PLD5: variants seen among roughly 807,000 people sequenced by gnomAD.
PLD5 encodes phospholipase D family member 5.
In PLD5, 36 loss-of-function variants were observed where a neutral mutation model predicts 61.1. The observed-to-expected ratio is 0.59, with a 90% CI of 0.45 to 0.78. The LOEUF is 0.78. PLD5 is among the 30% of genes least tolerant of loss of function. PLD5 has a pLI of 0.00. For synonymous variants in PLD5, 243 were observed against 242.8 expected (o/e 1.00, Z -0.01); for missense variants, 515 against 644.4 (o/e 0.80, Z 2.17).
chr1:242,509,901 G>A (rs2102999526), intron 1 of PLD5, among the ~76,000 whole-genome samples: 1 of 152,100 alleles, frequency 6.6e-6, no homozygotes, highest in South Asian at 2.1e-4. Flanking sequence ...TGAGAGCTAG[G>A]GACTCCAGAG....
At chr1:242,254,810 T>C (rs2149087880) in intron 4 of PLD5, among the ~76,000 whole-genome samples, 1 of 152,352 alleles carries the variant, frequency 6.6e-6, no homozygotes, top group Non-Finnish European at 1.5e-5. Context: ...ATTATGCTAA[T>C]TACGCTGCTA....
At chr1:242,340,328 T>C (rs1659757571) in intron 2 of PLD5, among the ~76,000 whole-genome samples, 1 of 152,230 alleles carries the variant, frequency 6.6e-6, no homozygotes, top group Admixed American at 6.5e-5. Context: ...CAAAACCAAA[T>C]GGGATCTTCC....
chr1:242,275,157 G>C (rs1674344747), intron 3 of PLD5, among the ~76,000 whole-genome samples: 1 of 151,494 alleles, frequency 6.6e-6, no homozygotes, highest in African/African-American at 2.4e-5. Context: ...ATAGTCTTAA[G>C]AAAATAAGAT....
At chr1:242,382,128 C>CAAAAAAAA (rs34582650) in intron 1 of PLD5, among the ~76,000 whole-genome samples, 6 of 125,602 alleles carry the variant, frequency 4.8e-5, no homozygotes, top group African/African-American at 9.1e-5. Flanking sequence ...ACTTTGACAG[C>CAAAAAAAA]AAAAAAAAAA....
intron 1 of PLD5, among the ~76,000 whole-genome samples, chr1:242,494,603 T>C (rs975209089): frequency 3.9e-5 from 6 of 152,182 alleles, no homozygotes; most frequent in Admixed American, 6.5e-5. Flanking sequence ...GGCTGGTGTT[T>C]GCGGTTGCTT....
intron 5 of PLD5, among the ~76,000 whole-genome samples, chr1:242,179,984 TCA>T (rs1667417719): frequency 6.6e-6 from 1 of 152,112 alleles, no homozygotes; most frequent in South Asian, 2.1e-4. Context: ...TGAGCTATTT[TCA>T]GTGTTTCAAA....
upstream of PLD5, among the ~76,000 whole-genome samples, chr1:242,526,085 A>G (rs1365544127): frequency 6.6e-6 from 1 of 152,166 alleles, no homozygotes; most frequent in East Asian, 1.9e-4. Context: ...ATTACACTTC[A>G]AAACAAGGAT....
chr1:242,452,021 C>G (rs755781104), intron 1 of PLD5, among the ~76,000 whole-genome samples: 32 of 152,080 alleles, frequency 2.1e-4, no homozygotes, highest in Non-Finnish European at 4.4e-4. Context: ...TCGGCTCAGT[C>G]CTCAATGTCT....
At position 242,498,363 on chromosome 1, in the gene PLD5, T is replaced by C. The variant is rs141305155; in HGVS notation, c.189+25725A>G. Among the ~76,000 whole-genome samples the C allele has an allele frequency of 5.8e-4, 89 of 152,332 alleles. 1 individual carries two copies. The highest frequency in any genetic ancestry group is 2.1e-3 in the African/African-American group (87 of 41,578). On this transcript the variant is annotated intron_variant, in intron 1 of 9. Coordinates refer to ENST00000536534, the MANE Select transcript of PLD5 (RefSeq NM_001372062.1). ...AAATAAAAATTATTCCTCATCCCAT[T>C]ACTCAGCACCAACCAGTATTAATAT... is the stretch of plus-strand genomic sequence containing the variant.
chr1:242,245,650 C>G (rs1213674976), intron 4 of PLD5, among the ~76,000 whole-genome samples: 1 of 152,178 alleles, frequency 6.6e-6, no homozygotes, highest in Non-Finnish European at 1.5e-5. Context: ...CATTCACATT[C>G]AACATTCATA....
intron 1 of PLD5, among the ~76,000 whole-genome samples, chr1:242,364,342 AT>A (rs1166289179): frequency 2.0e-5 from 3 of 152,230 alleles, no homozygotes; most frequent in Non-Finnish European, 4.4e-5. Context: ...AATAAATAGA[AT>A]TCCTTTATTT....
intron 1 of PLD5, among the ~76,000 whole-genome samples, chr1:242,458,325 A>G (rs933434338): frequency 6.6e-6 from 1 of 152,256 alleles, no homozygotes; most frequent in Non-Finnish European, 1.5e-5. Context: ...CCCAAAGGTC[A>G]TATTACTAAT....
intron 9 of PLD5, among the ~76,000 whole-genome samples, chr1:242,095,368 G>C (rs958829899): frequency 6.6e-6 from 1 of 152,128 alleles, no homozygotes; most frequent in Non-Finnish European, 1.5e-5. Flanking sequence ...GAGTAGCTGG[G>C]AGGACAGGCA....
chr1:242,376,970 G>A lies in PLD5; in HGVS notation c.190-28728C>T, dbSNP rs201983551. The A allele has an allele frequency of 1.1e-4, 176 of 1,611,564 alleles. No homozygotes were observed. The East Asian group carries it at 2.0e-3, about 18-fold the overall frequency. On this transcript the variant is annotated intron_variant, in intron 1 of 9. Coordinates refer to ENST00000536534, the MANE Select transcript of PLD5 (RefSeq NM_001372062.1). ...TTTTGGATTTGATGAAGGCCATGCC[G>A]TGTATCCGCATGTGAGTATTTGAGG...
chr1:242,287,088 C>G (rs1166131293), intron 3 of PLD5, among the ~76,000 whole-genome samples: 1 of 152,120 alleles, frequency 6.6e-6, no homozygotes, highest in Non-Finnish European at 1.5e-5. Flanking sequence ...TTCCAGAGCT[C>G]TTTGCCTTCT....
At chr1:242,305,768 G>T (rs1057080670) in intron 2 of PLD5, among the ~76,000 whole-genome samples, 2 of 152,142 alleles carry the variant, frequency 1.3e-5, no homozygotes, top group African/African-American at 2.4e-5. Context: ...CACCATGTTG[G>T]CCAGGATGGT....
At chr1:242,097,407 A>G (rs1010571975) in intron 9 of PLD5, among the ~76,000 whole-genome samples, 1 of 152,090 alleles carries the variant, frequency 6.6e-6, no homozygotes, top group African/African-American at 2.4e-5. Flanking sequence ...CCTCTCCAGC[A>G]CCTGTTGTTT....
intron 1 of PLD5, among the ~76,000 whole-genome samples, chr1:242,483,574 C>A (rs1278330223): frequency 6.6e-6 from 1 of 152,090 alleles, no homozygotes; most frequent in Non-Finnish European, 1.5e-5. Flanking sequence ...CCTTAGAGAC[C>A]TACAAAGAGA....
chr1:242,134,339 C>T (rs1663534434), intron 5 of PLD5, among the ~76,000 whole-genome samples: 1 of 151,746 alleles, frequency 6.6e-6, no homozygotes, highest in East Asian at 1.9e-4. Flanking sequence ...CTGGTTAGCC[C>T]TTGGATAGGA....
Sources: allele counts gnomAD v4.1 joint callset (sites outside exome capture counted in the v4.1 genomes callset), GRCh38; gene constraint gnomAD v4.1.1; transcripts MANE v1.5; gene names NCBI Gene and HGNC (gene_info 2026-07-23, HGNC 2026-07-21).